Variants in EYA2 observed in about 807,000 individuals in gnomAD.
EYA2 encodes the protein EYA transcriptional coactivator and phosphatase 2.
Under a neutral mutation model 69.2 loss-of-function variants are expected in EYA2, and 31 were observed. The ratio of observed to expected loss-of-function variants is 0.45; its 90% CI spans 0.34 to 0.60. The LOEUF (loss-of-function observed/expected upper bound fraction) is 0.60. Ranked by LOEUF, EYA2 falls within the 20% of genes least tolerant of loss-of-function variation. The pLI, the probability that EYA2 is intolerant of heterozygous loss-of-function variation, is 0.02. For missense variants in EYA2, 622 were observed against 701.2 expected (o/e 0.89, Z 1.28); for synonymous variants, 257 against 279.4 (o/e 0.92, Z 0.80).
At chr20:47,143,346 T>G (rs2033636376) in intron 10 of EYA2, among the ~76,000 whole-genome samples, 198 bp downstream of exon 10, 1 of 152,202 alleles carries the variant, frequency 6.6e-6, no homozygotes, top group Non-Finnish European at 1.5e-5. Context: ...GAAACACACT[T>G]AGCTCAATTA....
chr20:46,900,677 C>T lies in EYA2; in HGVS notation c.-11+5690C>T, dbSNP rs536317849. Among the ~76,000 whole-genome samples the T allele has an allele frequency of 7.2e-5, 11 of 152,286 alleles. No individual in the cohort carries two copies. The South Asian group carries it at 8.3e-4, about 11-fold the overall frequency. On this transcript the variant is annotated intron_variant, in intron 1 of 15. Transcript: ENST00000327619. ...CCCCTTAGCCAGTTCTCTCATACTC[C>T]GTTACCAAATATCTCACCTTAAAAA...
intron 14 of EYA2, among the ~76,000 whole-genome samples, chr20:47,182,215 T>A (rs8117199): frequency 0.55 from 83,860 of 151,180 alleles, 25,154 homozygotes; most frequent in African/African-American, 0.81. Context: ...GGGTTTCACC[T>A]TGTTGGCCAG....
chr20:46,965,055 G>A (rs1020020880), intron 1 of EYA2, among the ~76,000 whole-genome samples: 10 of 152,146 alleles, frequency 6.6e-5, no homozygotes, highest in African/African-American at 1.9e-4. Context: ...GTGAACAGAC[G>A]GTGGAACTGC....
rs1223093096 is a variant in EYA2, at chr20:47,055,153, A to T, written c.416-17032A>T. Among the ~76,000 whole-genome samples, 3 of 152,170 alleles carry T rather than the reference A, an allele frequency of 2.0e-5. No homozygotes were observed. In the East Asian group the frequency reaches 5.8e-4, roughly 29 times the overall value. ...GTGGTCAGGGGACTGTGATGCACTG[A>T]TTGGTCCAGGCTCAGTCACGTGATG... On this transcript the variant is annotated intron_variant, in intron 5 of 15. Coordinates refer to ENST00000327619, the MANE Select transcript of EYA2 (RefSeq NM_005244.5).
At chr20:47,181,604 C>G (rs1266867730) in intron 14 of EYA2, among the ~76,000 whole-genome samples, 1 of 152,156 alleles carries the variant, frequency 6.6e-6, no homozygotes, top group Admixed American at 6.5e-5. Context: ...AAACTCCCAG[C>G]CTCAAGCAAT....
At chr20:47,101,231 A>C (rs1391044855) in intron 9 of EYA2, among the ~76,000 whole-genome samples, 1 of 152,118 alleles carries the variant, frequency 6.6e-6, no homozygotes, top group Non-Finnish European at 1.5e-5. Context: ...ACAACAGGCA[A>C]GTGCCACCAT....
At chr20:47,060,851 CTTTTTTT>C (rs35809050) in intron 5 of EYA2, among the ~76,000 whole-genome samples, 13 of 125,664 alleles carry the variant, frequency 1.0e-4, no homozygotes, top group East Asian at 4.6e-4. Context: ...CTCTCTCTCT[CTTTTTTT>C]TTTTTTTTTT....
At chr20:47,173,850 G>A (rs111338729) in intron 12 of EYA2, among the ~76,000 whole-genome samples, 1 of 152,330 alleles carries the variant, frequency 6.6e-6, no homozygotes, top group African/African-American at 2.4e-5. Context: ...GTTGCTGGTG[G>A]TCTTGGTATC....
intron 5 of EYA2, among the ~76,000 whole-genome samples, chr20:47,031,403 A>T (rs1009280948): frequency 5.3e-5 from 8 of 152,204 alleles, no homozygotes; most frequent in Non-Finnish European, 1.0e-4. Context: ...TGCTGGGATG[A>T]GTGGACTATG....
intron 1 of EYA2, among the ~76,000 whole-genome samples, chr20:46,983,538 A>G (rs1023115666): frequency 6.6e-6 from 1 of 152,186 alleles, no homozygotes; most frequent in Non-Finnish European, 1.5e-5. Flanking sequence ...TAATTAGGCA[A>G]CTGCAAAAAA....
chr20:47,023,983 T>C (rs1262780451), intron 5 of EYA2, among the ~76,000 whole-genome samples: 1 of 152,198 alleles, frequency 6.6e-6, no homozygotes, highest in Admixed American at 6.5e-5. Context: ...ATGTCCAATC[T>C]TTCTTCTGGC....
intron 5 of EYA2, among the ~76,000 whole-genome samples, chr20:47,046,777 G>A (rs1429015668): frequency 1.4e-5 from 2 of 146,318 alleles, no homozygotes; most frequent in African/African-American, 5.6e-5. Context: ...GACTGTTAAG[G>A]TGAGTTCAAG....
At chr20:47,030,908 C>T (rs78445560) in intron 5 of EYA2, among the ~76,000 whole-genome samples, 11,421 of 152,220 alleles carry the variant, frequency 0.075, 583 homozygotes, top group Non-Finnish European at 0.11. Flanking sequence ...AGGTGCACAC[C>T]AGGCTGCTGC....
intron 9 of EYA2, among the ~76,000 whole-genome samples, chr20:47,124,442 G>A (rs2033127305): frequency 6.6e-6 from 1 of 152,188 alleles, no homozygotes; most frequent in African/African-American, 2.4e-5. Context: ...TTCTATCTGA[G>A]GAAGTGTGCT....
intron 1 of EYA2, among the ~76,000 whole-genome samples, chr20:46,989,114 C>T (rs1981481235): frequency 6.6e-6 from 1 of 152,148 alleles, no homozygotes; most frequent in African/African-American, 2.4e-5. Context: ...CCTGCCCGCC[C>T]CCCATAACAT....
intron 9 of EYA2, among the ~76,000 whole-genome samples, chr20:47,099,262 A>C (rs2032355673): frequency 1.3e-5 from 2 of 152,270 alleles, no homozygotes; most frequent in African/African-American, 2.4e-5. Flanking sequence ...GAAGCCGCAG[A>C]GGGCAGCCTT....
In EYA2 at chr20:47,023,135, T is replaced by G. The variant is rs193219453; in HGVS notation, c.415+6838T>G. ...ATCTTTCTTCTACCCTCATGCTACATCCACCCCGTTTCCAAACCCCTAACA... is the reference window on the plus strand; with the variant it reads ...ATCTTTCTTCTACCCTCATGCTACAGCCACCCCGTTTCCAAACCCCTAACA... On this transcript the variant is annotated intron_variant, in intron 5 of 15. Transcript: ENST00000327619. Among the ~76,000 whole-genome samples, 42 of 152,300 alleles carry G rather than the reference T, an allele frequency of 2.8e-4. No individual in the cohort carries two copies. The South Asian group carries it at 6.2e-3, about 23-fold the overall frequency.
chr20:47,047,054 C>G (rs1464358299), intron 5 of EYA2, among the ~76,000 whole-genome samples: 1 of 152,142 alleles, frequency 6.6e-6, no homozygotes, highest in African/African-American at 2.4e-5. Flanking sequence ...TAAAATGTAT[C>G]GTGTACATTT....
intron 5 of EYA2, among the ~76,000 whole-genome samples, chr20:47,036,750 A>G (rs540009512): frequency 1.6e-4 from 25 of 152,286 alleles, no homozygotes; most frequent in African/African-American, 5.8e-4. Flanking sequence ...ACAGTTTTGC[A>G]CACACCACCT....
Sources: allele counts gnomAD v4.1 joint callset (sites outside exome capture counted in the v4.1 genomes callset), GRCh38; gene constraint gnomAD v4.1.1; transcripts MANE v1.5; gene names NCBI Gene and HGNC (gene_info 2026-07-23, HGNC 2026-07-21).